Variants in RORA observed in about 807,000 individuals in gnomAD.
RORA encodes the protein RAR related orphan receptor A.
Under a neutral mutation model 69.5 loss-of-function variants are expected in RORA, and 7 were observed. That is an observed-to-expected ratio of 0.10 (90% CI 0.06 to 0.19). The LOEUF is 0.19. Ranked by LOEUF, RORA falls within the 10% of genes least tolerant of loss-of-function variation. RORA has a pLI of 1.00. For synonymous variants in RORA, 261 were observed against 240.8 expected, an observed-to-expected ratio of 1.08 and a Z score of -0.78; for missense variants, 457 against 663.0, an observed-to-expected ratio of 0.69 and a Z score of 3.41.
chr15:60,938,531 C>T (rs1892596328), intron 1 of RORA, among the ~76,000 whole-genome samples: 1 of 152,164 alleles, frequency 6.6e-6, no homozygotes, highest in Non-Finnish European at 1.5e-5. Flanking sequence ...AAGTGTAAAA[C>T]TTCTGCCAAT....
chr15:60,724,035 T>C (rs867644963), intron 1 of RORA, among the ~76,000 whole-genome samples: 1 of 152,204 alleles, frequency 6.6e-6, no homozygotes, highest in Non-Finnish European at 1.5e-5. Context: ...TAGTGTGCAA[T>C]CTGTATACTG....
chr15:60,672,109 G>A (rs2070483056), intron 2 of RORA, among the ~76,000 whole-genome samples: 1 of 152,078 alleles, frequency 6.6e-6, no homozygotes, highest in South Asian at 2.1e-4. Context: ...AAGTAAGAAC[G>A]CTGTACAGTT....
At chr15:61,004,826 A>G (rs1022103848) in intron 1 of RORA, among the ~76,000 whole-genome samples, 3 of 152,236 alleles carry the variant, frequency 2.0e-5, no homozygotes, top group African/African-American at 7.2e-5. Flanking sequence ...CTTATAATCA[A>G]AGCTATGCAA....
chr15:60,942,754 T>C (rs1294672976), intron 1 of RORA, among the ~76,000 whole-genome samples: 1 of 152,258 alleles, frequency 6.6e-6, no homozygotes, highest in Non-Finnish European at 1.5e-5. Flanking sequence ...ATCTTTAGGT[T>C]TATGTGCAAA....
chr15:60,664,225 A>G (rs1258121931), intron 2 of RORA, among the ~76,000 whole-genome samples: 2 of 152,208 alleles, frequency 1.3e-5, no homozygotes, highest in South Asian at 2.1e-4. Context: ...ATTTAGAGAT[A>G]CCAGGCAGGA....
rs112375772 is a variant in RORA at position 60,895,582 on chromosome 15, G to T, written c.167-216896C>A. 3.7e-3 allele frequency among the ~76,000 whole-genome samples: 301 copies of T among 81,008 alleles called. 1 individual carries two copies. Among genetic ancestry groups the T allele is most frequent in the African/African-American group, 9.1e-3 (279 of 30,508 alleles). The allele number at this position is 81,008 out of a possible 152,430, so 53.1% of individuals were successfully genotyped here. Reference sequence around the variant, plus strand: ...CCCTCTCAGAATGGCTCTTTCAATAGCTCGGCATCTTGTGGGAGCAAAGTA... The same window carrying T: ...CCCTCTCAGAATGGCTCTTTCAATATCTCGGCATCTTGTGGGAGCAAAGTA... On this transcript the variant is annotated intron_variant, in intron 1 of 10. Transcript: ENST00000335670.
At chr15:61,164,557 C>A (rs542976998) in intron 1 of RORA, among the ~76,000 whole-genome samples, 28 of 152,312 alleles carry the variant, frequency 1.8e-4, no homozygotes, top group Admixed American at 3.9e-4. Context: ...TAAATACCTA[C>A]AAGCCCTTTG....
chr15:60,617,330 G>T (rs899447188), intron 2 of RORA, among the ~76,000 whole-genome samples: 1 of 152,164 alleles, frequency 6.6e-6, no homozygotes, highest in African/African-American at 2.4e-5. Context: ...TTGAGGCAAA[G>T]AAATCATACC....
intron 1 of RORA, among the ~76,000 whole-genome samples, chr15:61,118,366 A>G (rs1035443478): frequency 8.5e-5 from 13 of 152,320 alleles, no homozygotes; most frequent in Non-Finnish European, 1.8e-4. Context: ...CTGTACTGGG[A>G]TTATTTTCCA....
At chr15:60,525,162 T>C (rs748279011) in intron 3 of RORA, among the ~76,000 whole-genome samples, 2 of 152,250 alleles carry the variant, frequency 1.3e-5, no homozygotes, top group African/African-American at 2.4e-5. Context: ...ATGAGGGAGA[T>C]GGCATTTTAT....
intron 2 of RORA, among the ~76,000 whole-genome samples, chr15:60,677,594 T>TC (rs2070573544): frequency 1.3e-5 from 2 of 150,864 alleles, no homozygotes; most frequent in African/African-American, 4.9e-5. Context: ...TTTTTTTTTT[T>TC]CATTTTTGTT....
intron 1 of RORA, among the ~76,000 whole-genome samples, chr15:61,204,054 T>G (rs1335096990): frequency 6.6e-6 from 1 of 152,234 alleles, no homozygotes; most frequent in African/African-American, 2.4e-5. Flanking sequence ...GGAACGTTTC[T>G]GCTTTCAAGG....
chr15:61,039,561 T>C (rs189087321), intron 1 of RORA, among the ~76,000 whole-genome samples: 1 of 151,850 alleles, frequency 6.6e-6, no homozygotes, highest in Admixed American at 6.6e-5. Flanking sequence ...CTGACCAACA[T>C]GGTGAAACCT....
intron 1 of RORA, among the ~76,000 whole-genome samples, chr15:60,999,049 G>C (rs1041015174): frequency 6.6e-6 from 1 of 152,178 alleles, no homozygotes; most frequent in Admixed American, 6.5e-5. Context: ...TTCTGCTACA[G>C]TCACAGCATC....
At chr15:61,219,652 A>G (rs947017249) in intron 1 of RORA, among the ~76,000 whole-genome samples, 3 of 152,060 alleles carry the variant, frequency 2.0e-5, no homozygotes, top group African/African-American at 7.2e-5. Context: ...CAGGAACATG[A>G]GGTAAGAAAG....
chr15:60,629,751 A>G (rs1351697136), intron 2 of RORA, among the ~76,000 whole-genome samples: 1 of 152,236 alleles, frequency 6.6e-6, no homozygotes, highest in Non-Finnish European at 1.5e-5. Flanking sequence ...GCACAGATGT[A>G]CGGGTCATCC....
intron 1 of RORA, among the ~76,000 whole-genome samples, chr15:60,694,105 TTTCCTCATCTCCCTC>T (rs796404232): frequency 9.2e-5 from 14 of 152,260 alleles, no homozygotes; most frequent in African/African-American, 3.4e-4. Context: ...TACTTTCTGA[TTTCCTCATCTCCCTC>T]TGTGAAGTAA....
At chr15:60,527,870 T>C (rs971423002) in intron 3 of RORA, among the ~76,000 whole-genome samples, 1 of 152,148 alleles carries the variant, frequency 6.6e-6, no homozygotes, top group Non-Finnish European at 1.5e-5. Flanking sequence ...ACTGCCCTTT[T>C]TCTGGGCTTT....
chr15:60,525,725 G>A (rs1227792915), intron 3 of RORA, among the ~76,000 whole-genome samples: 2 of 152,282 alleles, frequency 1.3e-5, no homozygotes, highest in East Asian at 1.9e-4. Flanking sequence ...GCTGAAGTGG[G>A]TGTATGTCTA....
Sources: allele counts gnomAD v4.1 joint callset (sites outside exome capture counted in the v4.1 genomes callset), GRCh38; gene constraint gnomAD v4.1.1; transcripts MANE v1.5; gene names NCBI Gene and HGNC (gene_info 2026-07-23, HGNC 2026-07-21).